The following VEPH1 variants were observed in gnomAD, a reference collection of about 807,000 sequenced individuals.
VEPH1 encodes the protein ventricular zone-expressed PH domain-containing protein homolog 1.
A neutral mutation model predicts 85.2 loss-of-function variants in VEPH1; 80 were observed. The observed-to-expected ratio is 0.94, with a 90% confidence interval of 0.78 to 1.13. The LOEUF (loss-of-function observed/expected upper bound fraction) is 1.13. Among genes scored for constraint, VEPH1 ranks in the 50% most tolerant of loss-of-function variants. The pLI, the probability that VEPH1 is intolerant of heterozygous loss-of-function variation, is 0.00. For missense variants in VEPH1, 955 were observed against 980.5 expected, an observed-to-expected ratio of 0.97 and a Z score of 0.35; for synonymous variants, 297 against 348.0, an observed-to-expected ratio of 0.85 and a Z score of 1.63.
At chr3:157,465,660 A>G (rs1418972570) in intron 3 of VEPH1, among the ~76,000 whole-genome samples, 2 of 152,246 alleles carry the variant, frequency 1.3e-5, no homozygotes, top group Non-Finnish European at 2.9e-5. Flanking sequence ...GGCACTTCAC[A>G]TGCAACACTA....
At chr3:157,496,351 G>C (rs1282194635) in intron 1 of VEPH1, among the ~76,000 whole-genome samples, 1 of 152,200 alleles carries the variant, frequency 6.6e-6, no homozygotes. Flanking sequence ...TAAAATCACA[G>C]ACCATTTGCA....
intron 2 of VEPH1, among the ~76,000 whole-genome samples, chr3:157,485,287 C>A (rs1330582886): frequency 6.6e-6 from 1 of 152,090 alleles, no homozygotes; most frequent in East Asian, 1.9e-4. Flanking sequence ...AGAATGGTAA[C>A]AATATGAAGA....
chr3:157,357,787 T>C (rs1312430248), intron 9 of VEPH1, among the ~76,000 whole-genome samples: 2 of 152,244 alleles, frequency 1.3e-5, no homozygotes, highest in Non-Finnish European at 2.9e-5. Context: ...CATGAGCCAC[T>C]GCATCCGGCC....
chr3:157,439,844 G>C (rs573171982), intron 4 of VEPH1, among the ~76,000 whole-genome samples: 29 of 152,202 alleles, frequency 1.9e-4, no homozygotes, highest in Non-Finnish European at 4.0e-4. Flanking sequence ...TCCGCCTCCC[G>C]GGTTCACTCC....
At chr3:157,386,669 G>A (rs1004114081) in intron 6 of VEPH1, among the ~76,000 whole-genome samples, 3 of 152,150 alleles carry the variant, frequency 2.0e-5, no homozygotes, top group Non-Finnish European at 2.9e-5. Flanking sequence ...GAGTTGTTTG[G>A]TCCAAAATGT....
intron 9 of VEPH1, among the ~76,000 whole-genome samples, chr3:157,326,165 T>A (rs1721885165): frequency 6.6e-6 from 1 of 152,236 alleles, no homozygotes; most frequent in Admixed American, 6.5e-5. Flanking sequence ...ATGCAAGTGA[T>A]TTTTGAGCAC....
intron 2 of VEPH1, among the ~76,000 whole-genome samples, chr3:157,485,060 G>A (rs905833660): frequency 6.6e-6 from 1 of 152,078 alleles, no homozygotes; most frequent in Admixed American, 6.6e-5. Flanking sequence ...ATAGTGCCCA[G>A]TTATTATTTT....
intron 4 of VEPH1, among the ~76,000 whole-genome samples, chr3:157,432,915 T>C (rs998488254): frequency 3.3e-5 from 5 of 152,136 alleles, no homozygotes; most frequent in African/African-American, 1.2e-4. Flanking sequence ...TCTTTTTATG[T>C]TTTTAAATAA....
At chr3:157,309,948 A>G (rs1719918029) in intron 11 of VEPH1, among the ~76,000 whole-genome samples, 1 of 151,526 alleles carries the variant, frequency 6.6e-6, no homozygotes, top group East Asian at 1.9e-4. Context: ...CCTGGCTAAT[A>G]TTTGTATTTT....
At chr3:157,304,412 TTG>T (rs1719237367) in intron 11 of VEPH1, among the ~76,000 whole-genome samples, 1 of 152,174 alleles carries the variant, frequency 6.6e-6, no homozygotes, top group African/African-American at 2.4e-5. Flanking sequence ...TCCCTATGCT[TTG>T]GTAACTGGAA....
intron 11 of VEPH1, among the ~76,000 whole-genome samples, chr3:157,299,493 G>A (rs542117548): frequency 1.3e-5 from 2 of 148,802 alleles, no homozygotes; most frequent in African/African-American, 2.5e-5. Context: ...CTGGGAGGTC[G>A]AGGCTGCAGT....
chr3:157,345,066 TAA>T lies in VEPH1; in HGVS notation c.1735+18296_1735+18297del, dbSNP rs1419660166. 4.6e-5 allele frequency among the ~76,000 whole-genome samples: 7 copies of T among 152,224 alleles called. No individual in the cohort carries two copies. The East Asian group carries it at 1.3e-3, about 29-fold the overall frequency. On this transcript the variant is annotated intron_variant, in intron 9 of 13. Coordinates refer to ENST00000362010, the MANE Select transcript of VEPH1 (RefSeq NM_001167912.2). ...GATTTAAATGTTAGACCTAAAACCATAAAAACCCTAGAAGAAAACCTAGGCAA... is the reference window on the plus strand; with the variant it reads ...GATTTAAATGTTAGACCTAAAACCATAAACCCTAGAAGAAAACCTAGGCAA...
Position 157,364,546 on chromosome 3 carries a change from G to A in VEPH1, c.1128-34C>T, listed in dbSNP as rs764128074. 7.0e-6 allele frequency: 11 copies of A among 1,579,282 alleles called. No homozygotes were observed. In the East Asian group the frequency reaches 2.2e-4, roughly 32 times the overall value. On this transcript the variant is annotated intron_variant, in intron 7 of 13. Coordinates refer to ENST00000362010, the MANE Select transcript of VEPH1 (RefSeq NM_001167912.2). ...ATATAAATCATTGCATTAGATGCAG[G>A]TCATATATACTCTTCAGAACAGTGT...
chr3:157,357,255 G>A (rs995308754), intron 9 of VEPH1, among the ~76,000 whole-genome samples: 9 of 152,002 alleles, frequency 5.9e-5, no homozygotes, highest in Admixed American at 2.6e-4. Flanking sequence ...CACCTAAGGT[G>A]GATACTATAT....
chr3:157,467,781 T>G (rs1305057124), intron 3 of VEPH1, among the ~76,000 whole-genome samples: 2 of 152,234 alleles, frequency 1.3e-5, no homozygotes, highest in Non-Finnish European at 2.9e-5. Context: ...CTTGTCCCTC[T>G]TAACCAAGGA....
At chr3:157,375,457 G>A (rs1222792437) in intron 7 of VEPH1, among the ~76,000 whole-genome samples, 1 of 152,228 alleles carries the variant, frequency 6.6e-6, no homozygotes, top group Admixed American at 6.5e-5. Context: ...GGGCCTCGTA[G>A]TTGAAAAGGT....
chr3:157,381,133 G>A (rs1728712574), intron 7 of VEPH1, 23 bp downstream of exon 7: 6 of 1,610,848 alleles, frequency 3.7e-6, no homozygotes, highest in Non-Finnish European at 5.1e-6. Flanking sequence ...AGCTCCCTGA[G>A]GTACACAGAA....
At chr3:157,427,556 G>C (rs1732844855) in intron 5 of VEPH1, among the ~76,000 whole-genome samples, 1 of 151,972 alleles carries the variant, frequency 6.6e-6, no homozygotes, top group Admixed American at 6.6e-5. Flanking sequence ...CCCTGGCTCA[G>C]GTGATTCTCC....
intron 6 of VEPH1, among the ~76,000 whole-genome samples, chr3:157,407,029 G>A (rs921398763): frequency 2.0e-5 from 3 of 151,676 alleles, no homozygotes; most frequent in African/African-American, 7.3e-5. Context: ...TTCCTAAAGT[G>A]TTCTCTTTTC....
Sources: gnomAD v4.1 joint callset for allele counts (sites outside exome capture counted in the v4.1 genomes callset) on GRCh38, gnomAD v4.1.1 for gene constraint, MANE v1.5 for transcripts, NCBI Gene and HGNC (gene_info 2026-07-23, HGNC 2026-07-21) for gene names.